Variants in DDIAS observed in about 807,000 individuals in gnomAD.
The protein encoded by DDIAS is DNA damage-induced apoptosis suppressor protein.
Under a neutral mutation model 15.7 loss-of-function variants are expected in DDIAS, and 14 were observed. The ratio of observed to expected loss-of-function variants is 0.89; its 90% confidence interval spans 0.59 to 1.39. The LOEUF (loss-of-function observed/expected upper bound fraction) is 1.39. DDIAS is among the 40% of genes most tolerant of loss of function. The pLI, the probability that DDIAS is intolerant of heterozygous loss-of-function variation, is 0.00. For missense variants in DDIAS, 1,035 were observed against 1,130.9 expected (o/e 0.92, Z 1.22); for synonymous variants, 355 against 395.9 (o/e 0.90, Z 1.23).
Position 82,934,507 on chromosome 11 carries a change from G to T in DDIAS, c.*172G>T. Reference sequence around the variant, plus strand: ...AAATATAAAGCCATTGTTTTCCCCAGGGTTTTATCTAGAATACTATGATTA... The same window carrying T: ...AAATATAAAGCCATTGTTTTCCCCATGGTTTTATCTAGAATACTATGATTA... On this transcript the variant is annotated 3_prime_UTR_variant, in exon 6 of 6. Transcript: ENST00000533655. The T allele has an allele frequency of 1.7e-6, 1 of 599,658 alleles. No individual in the cohort carries two copies. The highest frequency in any genetic ancestry group is 2.7e-6 in the Non-Finnish European group (1 of 367,758). 37.1% of individuals were successfully genotyped at this position (599,658 alleles called of 1,614,324 possible). A position where few individuals can be genotyped will look rare whatever the true frequency, so the allele number is the denominator to read the frequency against.
chr11:82,904,740 A>G (rs1860391717), intron 1 of DDIAS, among the ~76,000 whole-genome samples: 1 of 152,226 alleles, frequency 6.6e-6, no homozygotes, highest in African/African-American at 2.4e-5. Context: ...AGTTTGAGAA[A>G]TACTTGTCTA....
chr11:82,934,226 T>C lies in DDIAS; in HGVS notation c.2888T>C (p.Leu963Pro). The change falls in exon 6 of 6, where the codon CTT (leucine) becomes CCT (proline). Residue 963 changes from leucine to proline, a missense_variant. Coordinates refer to ENST00000533655, the MANE Select transcript of DDIAS (RefSeq NM_145018.4). ...VLAAPQLHPI[L>P]GPDSCSEVKC... Reference sequence around the variant, plus strand: ...GCAGCACCTCAGCTGCACCCTATTCTTGGACCTGATTCTTGTTCAGAAGTC... The same window carrying C: ...GCAGCACCTCAGCTGCACCCTATTCCTGGACCTGATTCTTGTTCAGAAGTC... 6.2e-7 allele frequency: 1 copy of C among 1,614,122 alleles called. No individual in the cohort carries two copies. The highest frequency in any genetic ancestry group is 1.1e-5 in the South Asian group (1 of 91,030).
intron 3 of DDIAS, among the ~76,000 whole-genome samples, chr11:82,918,837 G>T (rs559995266): frequency 4.0e-5 from 6 of 150,328 alleles, no homozygotes; most frequent in East Asian, 3.9e-4. Flanking sequence ...GTTTTTTTTT[G>T]TGTGTGTGTT....
intron 3 of DDIAS, among the ~76,000 whole-genome samples, chr11:82,921,610 C>CTTTTTTTTTTTT: frequency 1.0e-5 from 1 of 97,594 alleles, no homozygotes; most frequent in Non-Finnish European, 1.9e-5. Flanking sequence ...CGGAGTTTCG[C>CTTTTTTTTTTTT]TTTTTCGCCC....
chr11:82,914,012 C>T, intron 2 of DDIAS: 1 of 415,326 alleles, frequency 2.4e-6, no homozygotes. Context: ...TCTCGGCTCA[C>T]TGCAACCTCC....
At chr11:82,913,768 A>G (rs765864959) in intron 2 of DDIAS, 3 of 416,464 alleles carry the variant, frequency 7.2e-6, no homozygotes, top group South Asian at 1.7e-5. Context: ...TACACATTGA[A>G]TATACCTTAT....
At chr11:82,929,547 C>T (rs944839259) in intron 4 of DDIAS, among the ~76,000 whole-genome samples, 4 of 151,912 alleles carry the variant, frequency 2.6e-5, no homozygotes, top group Middle Eastern at 6.8e-3. Context: ...ACTAAAAATA[C>T]AAAAAATTAG....
chr11:82,912,824 T>C (rs1268534364), intron 1 of DDIAS, among the ~76,000 whole-genome samples: 2 of 152,228 alleles, frequency 1.3e-5, no homozygotes, highest in Non-Finnish European at 2.9e-5. Context: ...GTGAGAGATA[T>C]GTGACTCTTC....
Position 82,933,082 on chromosome 11 carries a change from G to A in DDIAS, c.1744G>A (p.Glu582Lys). 1 of 1,602,668 alleles carries A rather than the reference G, an allele frequency of 6.2e-7. No homozygotes were observed. The highest frequency in any genetic ancestry group is 8.5e-7 in the Non-Finnish European group (1 of 1,178,416). Residue 582 changes from glutamate (E) to lysine (K), a missense_variant, in exon 6 of 6, where the codon GAA becomes AAA. Physicochemically the swap from Glu to Lys is moderately conservative, Grantham distance 56. Coordinates refer to ENST00000533655, the MANE Select transcript of DDIAS (RefSeq NM_145018.4). ...LNNKYLNGCG[E>K]ISVSEMNEKL... ...TAACAAATATTTGAATGGATGTGGA[G>A]AAATATCAGTTTCAGAAATGAATGA...
chr11:82,914,684 A>G (rs1469245752), intron 2 of DDIAS, 39 bp from the exon 3 acceptor site: 1 of 1,056,036 alleles, frequency 9.5e-7, no homozygotes, highest in Non-Finnish European at 1.5e-6. Flanking sequence ...CTGCAATGAA[A>G]GATTTGCCAG....
intron 1 of DDIAS, among the ~76,000 whole-genome samples, chr11:82,912,488 T>C (rs1005927101): frequency 1.7e-4 from 26 of 152,184 alleles, no homozygotes; most frequent in African/African-American, 6.3e-4. Flanking sequence ...AGCATTTTTT[T>C]CTGCAGCTTC....
intron 1 of DDIAS, among the ~76,000 whole-genome samples, chr11:82,912,897 G>A (rs1449118024): frequency 2.6e-5 from 4 of 152,044 alleles, no homozygotes; most frequent in Admixed American, 1.3e-4. Context: ...CAATATTGTT[G>A]TGTCTCAGAA....
At position 82,908,188 on chromosome 11, in the gene DDIAS, A is replaced by T. The variant is rs773705881; in HGVS notation, c.-116-5099A>T. ...AGGGAAGAATATCGTAGCCAAAGAGAATAGTAAGCACAAAAGCCTGAGAAG... is the reference window on the plus strand; with the variant it reads ...AGGGAAGAATATCGTAGCCAAAGAGTATAGTAAGCACAAAAGCCTGAGAAG... On this transcript the variant is annotated intron_variant, in intron 1 of 5. Transcript: ENST00000533655. Among the ~76,000 whole-genome samples, 98 of 152,288 alleles carry T rather than the reference A, an allele frequency of 6.4e-4. 1 individual carries two copies. The highest frequency in any genetic ancestry group is 1.1e-3 in the Non-Finnish European group (77 of 68,020).
rs201480857 is a variant in DDIAS at position 82,930,222 on chromosome 11, C to G, written c.341C>G (p.Thr114Ser). Residue 114 changes from threonine to serine, a missense_variant, in exon 5 of 6, where the codon ACT becomes AGT. By Grantham distance (58) the Thr-to-Ser change is moderately conservative. Transcript: ENST00000533655. ...LDNDTTQNLL[T>S]KAVETCFVGQ... The stretch of plus-strand genomic sequence containing the variant: ...AATGATACAACTCAGAATCTATTAA[C>G]TAAAGCAGTTGAAACTTGCTTTGTT... 156 of 1,605,404 alleles carry G rather than the reference C, an allele frequency of 9.7e-5. No homozygotes were observed. The highest frequency in any genetic ancestry group is 1.3e-4 in the Non-Finnish European group (152 of 1,174,774).
rs1243235031 is a variant in DDIAS at position 82,934,579 on chromosome 11, ATTG to A, written c.*247_*249del. On this transcript the variant is annotated 3_prime_UTR_variant, in exon 6 of 6. Coordinates refer to ENST00000533655, the MANE Select transcript of DDIAS (RefSeq NM_145018.4). ...ATACTGTTTATTGTACTTTAATAAT[ATTG>A]TTAAGATTGTTTTTGAAAGTATTAA... The A allele has an allele frequency of 1.3e-4, 46 of 356,248 alleles. No homozygotes were observed. The highest frequency in any genetic ancestry group is 7.5e-4 in the Middle Eastern group (1 of 1,328). 22.1% of individuals were successfully genotyped at this position (356,248 alleles called of 1,614,324 possible).
chr11:82,932,056 C>T lies in DDIAS; in HGVS notation c.718C>T (p.Gln240Ter), dbSNP rs1861000032. 6.2e-7 allele frequency: 1 copy of T among 1,613,986 alleles called. No individual in the cohort carries two copies. Among genetic ancestry groups the T allele is most frequent in the Non-Finnish European group, 8.5e-7 (1 of 1,179,942 alleles). ...CAAGGATACTTTTTCAAAATTCTGG[C>T]AGCCATCACTTGAATTCACTTGCAT... Reference protein sequence around the residue: ...CSKDTFSKFWQPSLEFTCIVS... With the variant: ...CSKDTFSKFW Residue 240 changes from glutamine to a stop codon, truncating the protein, a stop_gained, in exon 6 of 6, where the codon CAG becomes TAG. Coordinates refer to ENST00000533655, the MANE Select transcript of DDIAS (RefSeq NM_145018.4). LOFTEE classifies it low-confidence loss of function (END_TRUNC).
At chr11:82,911,055 C>T (rs1457770247) in intron 1 of DDIAS, among the ~76,000 whole-genome samples, 6 of 152,100 alleles carry the variant, frequency 3.9e-5, no homozygotes, top group Admixed American at 3.9e-4. Flanking sequence ...AATTAAAAAA[C>T]ACTTTATTAT....
At chr11:82,911,777 A>G (rs1182987132) in intron 1 of DDIAS, among the ~76,000 whole-genome samples, 1 of 152,364 alleles carries the variant, frequency 6.6e-6, no homozygotes, top group African/African-American at 2.4e-5. Context: ...AGCATTATCT[A>G]TGGCAGCTAT....
intron 3 of DDIAS, among the ~76,000 whole-genome samples, chr11:82,920,761 C>T (rs922170859): frequency 6.6e-6 from 1 of 152,084 alleles, no homozygotes; most frequent in African/African-American, 2.4e-5. Context: ...TTTCAATTTT[C>T]TTAAATTTAT....
Sources: allele counts gnomAD v4.1 joint callset (sites outside exome capture counted in the v4.1 genomes callset), GRCh38; gene constraint gnomAD v4.1.1; transcripts MANE v1.5; gene names NCBI Gene and HGNC (gene_info 2026-07-23, HGNC 2026-07-21).